The following STARD13 variants were observed in gnomAD, a reference collection of about 807,000 sequenced individuals.
The protein encoded by STARD13 is StAR related lipid transfer domain containing 13.
In STARD13, 62 loss-of-function variants were observed where a neutral mutation model predicts 106.4. The observed-to-expected ratio is 0.58, with a 90% CI of 0.48 to 0.72. The LOEUF (loss-of-function observed/expected upper bound fraction) is 0.72, where lower values mean the gene tolerates loss of function less well. Among genes scored for constraint, STARD13 ranks in the 30% least tolerant of loss-of-function variants. STARD13 has a pLI of 0.00. For missense variants in STARD13, 1,387 were observed against 1,424.0 expected, an observed-to-expected ratio of 0.97 and a Z score of 0.42; for synonymous variants, 565 against 553.0, an observed-to-expected ratio of 1.02 and a Z score of -0.31.
chr13:33,236,175 T>C (rs904598043), intron 1 of STARD13, among the ~76,000 whole-genome samples: 31 of 152,232 alleles, frequency 2.0e-4, no homozygotes, highest in African/African-American at 7.0e-4. Context: ...AATCACTCTA[T>C]TATTGAATGC....
chr13:33,177,371 T>C (rs1409481825), intron 1 of STARD13, among the ~76,000 whole-genome samples: 1 of 152,100 alleles, frequency 6.6e-6, no homozygotes. Flanking sequence ...AATGTACGAA[T>C]AGAAGGAAAA....
chr13:33,507,387 T>C, the STARD13 span, among the ~76,000 whole-genome samples: 1 of 152,168 alleles, frequency 6.6e-6, no homozygotes, highest in African/African-American at 2.4e-5. Flanking sequence ...GGGATTATTA[T>C]TGTTATTTTA....
At chr13:33,350,228 G>T in intron 1 of STARD13, 2 of 1,462,712 alleles carry the variant, frequency 1.4e-6, no homozygotes, top group South Asian at 2.7e-5. Flanking sequence ...GCGGGCCCGG[G>T]CGGGCTACGG....
At chr13:33,640,734 G>A in the STARD13 span, among the ~76,000 whole-genome samples, 1 of 152,214 alleles carries the variant, frequency 6.6e-6, no homozygotes, top group Admixed American at 6.5e-5. Context: ...GTGAGTACAT[G>A]AGAATCTCCT....
the STARD13 span, among the ~76,000 whole-genome samples, chr13:33,512,202 G>A: frequency 1.3e-5 from 2 of 152,128 alleles, no homozygotes; most frequent in Non-Finnish European, 2.9e-5. Flanking sequence ...GCAAGCCACT[G>A]GAAACTAAAG....
chr13:33,478,346 T>G, the STARD13 span, among the ~76,000 whole-genome samples: 44 of 152,312 alleles, frequency 2.9e-4, no homozygotes, highest in Non-Finnish European at 5.0e-4. Flanking sequence ...CAGGCTCTTT[T>G]GTAGGTGCCA....
chr13:33,556,962 A>T, the STARD13 span, among the ~76,000 whole-genome samples: 1 of 152,120 alleles, frequency 6.6e-6, no homozygotes, highest in Non-Finnish European at 1.5e-5. Flanking sequence ...TCAAGCATGC[A>T]ACTTTTTACC....
intron 1 of STARD13, among the ~76,000 whole-genome samples, chr13:33,200,651 A>G (rs932339795): frequency 2.2e-4 from 33 of 151,986 alleles, no homozygotes; most frequent in African/African-American, 7.7e-4. Flanking sequence ...TAAACAGTGA[A>G]CTCTCTGAAG....
chr13:33,578,978 T>A, the STARD13 span, among the ~76,000 whole-genome samples: 1 of 152,090 alleles, frequency 6.6e-6, no homozygotes, highest in African/African-American at 2.4e-5. Flanking sequence ...AGAATGGTCA[T>A]TGTTAACAAG....
chr13:33,437,610 T>C, the STARD13 span, among the ~76,000 whole-genome samples: 1 of 152,160 alleles, frequency 6.6e-6, no homozygotes, highest in Non-Finnish European at 1.5e-5. Context: ...GTTTAAATTA[T>C]TAATGATTTA....
At chr13:33,452,212 G>A in the STARD13 span, among the ~76,000 whole-genome samples, 2 of 152,184 alleles carry the variant, frequency 1.3e-5, no homozygotes, top group South Asian at 2.1e-4. Context: ...GAGATGAGGA[G>A]GGTGTGGATA....
chr13:33,111,846 G>C lies in STARD13; in HGVS notation c.2539C>G (p.Leu847Val). The change falls in exon 10 of 14, where the codon CTC (leucine) becomes GTC (valine). Residue 847 changes from leucine to valine, a missense_variant. Leu to Val is a conservative substitution (Grantham distance 32). Transcript: ENST00000336934. ...TGAGCTGCTGCCAGATTCTCGTTGA[G>C]GTCCTTTTGATCTGGCTTCCCAGTG... ...YATGKPDQKD[L>V]NENLAAAQGL... 6.2e-7 allele frequency: 1 copy of C among 1,614,110 alleles called. No homozygotes were observed. The highest frequency in any genetic ancestry group is 8.5e-7 in the Non-Finnish European group (1 of 1,180,010).
At chr13:33,286,381 C>G (rs1391089798), upstream of STARD13, among the ~76,000 whole-genome samples, 1 of 152,150 alleles carries the variant, frequency 6.6e-6, no homozygotes, top group East Asian at 1.9e-4. Flanking sequence ...AGTACACACG[C>G]GTTACGTATT....
chr13:33,128,525 GA>G (rs1877594641), intron 5 of STARD13, among the ~76,000 whole-genome samples: 2 of 152,050 alleles, frequency 1.3e-5, no homozygotes, highest in Non-Finnish European at 2.9e-5. Context: ...TTTCTTATAG[GA>G]GCAAAAAAAG....
chr13:33,280,330 T>G (rs574253878), intron 1 of STARD13: 9 of 152,258 alleles, frequency 5.9e-5, no homozygotes, highest in Non-Finnish European at 8.8e-5. Context: ...CCACTCCAGT[T>G]GAGTTCAAAT....
the STARD13 span, among the ~76,000 whole-genome samples, chr13:33,499,612 T>C: frequency 1.7e-3 from 131 of 79,208 alleles, 7 homozygotes; most frequent in Middle Eastern, 0.022. Context: ...TCTTTCTTCT[T>C]CTTCTTCTTC....
the STARD13 span, among the ~76,000 whole-genome samples, chr13:33,429,938 G>GA: frequency 0.037 from 5,503 of 148,638 alleles, 317 homozygotes; most frequent in African/African-American, 0.1. Flanking sequence ...GGGGGGGGGG[G>GA]ACGGAGTCTC....
chr13:33,542,882 C>T, the STARD13 span, among the ~76,000 whole-genome samples: 1 of 152,180 alleles, frequency 6.6e-6, no homozygotes, highest in African/African-American at 2.4e-5. Context: ...GCCCTTCTCT[C>T]GGAACCTTCC....
At chr13:33,446,755 C>T in the STARD13 span, among the ~76,000 whole-genome samples, 1 of 152,122 alleles carries the variant, frequency 6.6e-6, no homozygotes, top group Non-Finnish European at 1.5e-5. Flanking sequence ...AAACACGAGT[C>T]TTTACTAGTT....
Sources: allele counts gnomAD v4.1 joint callset (sites outside exome capture counted in the v4.1 genomes callset), GRCh38; gene constraint gnomAD v4.1.1; transcripts MANE v1.5; gene names NCBI Gene and HGNC (gene_info 2026-07-23, HGNC 2026-07-21).